Variants in BNC2 observed in about 807,000 individuals in gnomAD.
BNC2 encodes zinc finger protein basonuclin-2.
BNC2 carries 20 observed loss-of-function variants against 76.3 expected under a neutral mutation model. The ratio of observed to expected loss-of-function variants is 0.26; its 90% CI spans 0.18 to 0.38. The LOEUF (loss-of-function observed/expected upper bound fraction) is 0.38, where lower values mean the gene tolerates loss of function less well. Among genes scored for constraint, BNC2 ranks in the 10% least tolerant of loss-of-function variants. The pLI, the probability that BNC2 is intolerant of heterozygous loss-of-function variation, is 1.00. For missense variants in BNC2, 1,382 were observed against 1,399.8 expected (o/e 0.99, Z 0.20); for synonymous variants, 582 against 514.8 (o/e 1.13, Z -1.77).
chr9:16,449,850 A>AGGGGGGGGGGT (rs1821304993), intron 5 of BNC2, among the ~76,000 whole-genome samples: 2 of 119,044 alleles, frequency 1.7e-5, no homozygotes, highest in African/African-American at 3.8e-5. Context: ...GCGGGGGGGG[A>AGGGGGGGGGGT]GGGTAACTAA....
At chr9:16,700,517 G>A (rs763770568) in intron 3 of BNC2, among the ~76,000 whole-genome samples, 1 of 152,158 alleles carries the variant, frequency 6.6e-6, no homozygotes, top group Admixed American at 6.5e-5. Flanking sequence ...TCTGTGCTGC[G>A]CAAGCTGGAC....
intron 5 of BNC2, among the ~76,000 whole-genome samples, chr9:16,528,480 T>C (rs1817879062): frequency 6.6e-6 from 1 of 152,206 alleles, no homozygotes; most frequent in Non-Finnish European, 1.5e-5. Context: ...TTCTAAATGT[T>C]AATATATGAG....
intron 1 of BNC2, among the ~76,000 whole-genome samples, chr9:16,768,183 C>G (rs1002157288): frequency 6.6e-6 from 1 of 151,988 alleles, no homozygotes; most frequent in Non-Finnish European, 1.5e-5. Context: ...CTAGGCTGGT[C>G]TTAAACTCCT....
At chr9:16,540,686 G>A (rs769346670) in intron 5 of BNC2, among the ~76,000 whole-genome samples, 17 of 152,120 alleles carry the variant, frequency 1.1e-4, no homozygotes, top group Non-Finnish European at 1.9e-4. Context: ...TTTAAAGGAG[G>A]CTTCAGTAAG....
chr9:16,800,281 ATGGAAAAACAGTCTTATT>A (rs1269114337), intron 1 of BNC2, among the ~76,000 whole-genome samples: 31 of 152,050 alleles, frequency 2.0e-4, no homozygotes, highest in Admixed American at 3.3e-4. Context: ...TGGCAGGTGG[ATGGAAAAACAGTCTTATT>A]TCCTTCTCAA....
chr9:16,610,921 T>C (rs1419327255), intron 3 of BNC2, among the ~76,000 whole-genome samples: 1 of 152,200 alleles, frequency 6.6e-6, no homozygotes, highest in Admixed American at 6.6e-5. Context: ...GCTGTCATAC[T>C]TTTTAATAAT....
At chr9:16,627,948 T>A (rs183389929) in intron 3 of BNC2, among the ~76,000 whole-genome samples, 29 of 152,320 alleles carry the variant, frequency 1.9e-4, no homozygotes, top group Non-Finnish European at 2.9e-4. Flanking sequence ...AAGTCATTTG[T>A]CTTATGAGGT....
intron 1 of BNC2, among the ~76,000 whole-genome samples, chr9:16,756,118 T>A (rs1187326850): frequency 6.6e-6 from 1 of 152,246 alleles, no homozygotes; most frequent in Non-Finnish European, 1.5e-5. Flanking sequence ...GATGAGAAGT[T>A]ATTAAGAATA....
intron 4 of BNC2, among the ~76,000 whole-genome samples, chr9:16,563,188 C>T (rs1014197223): frequency 1.3e-5 from 2 of 152,020 alleles, no homozygotes; most frequent in African/African-American, 2.4e-5. Context: ...AAGTCTGCAA[C>T]AGTAAGATAA....
At position 16,435,635 on chromosome 9, in the gene BNC2, C is replaced by A; in HGVS notation, c.2559G>T (p.Arg853Ser). ...CGTGCATCTCTTTCAAGTGAACGTT[C>A]CTGTAGTGAAGTTTCACACTGTAGG... The part of the protein sequence containing the change: ...KSSYSVKLHY[R>S]NVHLKEMHVC... The change falls in exon 6 of 7, where the codon AGG (arginine) becomes AGT (serine). Residue 853 changes from arginine (R) to serine (S), a missense_variant. Arg to Ser is a moderately radical substitution (Grantham distance 110). This residue lies in a region of BNC2 where 798 missense variants were observed against 775.5 expected (regional missense o/e 1.03). Coordinates refer to ENST00000380672, the MANE Select transcript of BNC2 (RefSeq NM_017637.6). 6.2e-7 allele frequency: 1 copy of A among 1,614,082 alleles called. No homozygotes were observed. Among genetic ancestry groups the A allele is most frequent in the Non-Finnish European group, 8.5e-7 (1 of 1,180,002 alleles).
chr9:16,870,598 T>G (rs1819659253), intron 1 of BNC2, 48 bp downstream of exon 1: 1 of 1,605,042 alleles, frequency 6.2e-7, no homozygotes, highest in Non-Finnish European at 8.5e-7. Flanking sequence ...GGGGGTCATT[T>G]CTGAGGAAGT....
intron 1 of BNC2, among the ~76,000 whole-genome samples, chr9:16,862,214 A>T (rs1819428087): frequency 6.6e-6 from 1 of 152,218 alleles, no homozygotes; most frequent in Admixed American, 6.5e-5. Flanking sequence ...AAACTTGTAC[A>T]TGAATGTTCA....
intron 6 of BNC2, chr9:16,431,632 C>T (rs748239012): frequency 2.2e-5 from 6 of 274,314 alleles, no homozygotes; most frequent in Non-Finnish European, 4.7e-5. Flanking sequence ...TAACACTACA[C>T]CTTGCTATCA....
At chr9:16,603,090 C>T (rs1308695458) in intron 3 of BNC2, among the ~76,000 whole-genome samples, 1 of 152,098 alleles carries the variant, frequency 6.6e-6, no homozygotes, top group African/African-American at 2.4e-5. Flanking sequence ...TGATGGTTAC[C>T]CTTTATGCCT....
At position 16,765,413 on chromosome 9, in the gene BNC2, T is replaced by C. The variant is rs541812309; in HGVS notation, c.4-26928A>G. 5.9e-5 allele frequency among the ~76,000 whole-genome samples: 9 copies of C among 152,324 alleles called. No individual in the cohort carries two copies. In the South Asian group the frequency reaches 1.9e-3, roughly 32 times the overall value. On this transcript the variant is annotated intron_variant, in intron 1 of 6. Transcript: ENST00000380672. Reference sequence around the variant, plus strand: ...TGAAGGGATAAAAGCTAAATTTTGGTTTCTAAACAGATGGAAACAATATTA... The same window carrying C: ...TGAAGGGATAAAAGCTAAATTTTGGCTTCTAAACAGATGGAAACAATATTA...
chr9:16,515,218 C>T (rs1217825395), intron 5 of BNC2, among the ~76,000 whole-genome samples: 4 of 152,188 alleles, frequency 2.6e-5, no homozygotes, highest in African/African-American at 7.2e-5. Context: ...CTCCAAGAAG[C>T]CAATAGTCTG....
chr9:16,652,035 T>A (rs1218906056), intron 3 of BNC2, among the ~76,000 whole-genome samples: 1 of 152,190 alleles, frequency 6.6e-6, no homozygotes, highest in Non-Finnish European at 1.5e-5. Context: ...ATTTTATAAG[T>A]GGAATATCCT....
chr9:16,424,832 G>T (rs576035587), intron 6 of BNC2, among the ~76,000 whole-genome samples: 50 of 152,206 alleles, frequency 3.3e-4, no homozygotes, highest in African/African-American at 9.9e-4. Context: ...TTCTTATCTG[G>T]ATTGCTACAA....
chr9:16,773,886 A>C (rs1245951899), intron 1 of BNC2, among the ~76,000 whole-genome samples: 2 of 152,226 alleles, frequency 1.3e-5, no homozygotes, highest in Admixed American at 6.5e-5. Context: ...AACAAGTTGC[A>C]GATGGTATTA....
Sources: gnomAD v4.1 joint callset for allele counts (sites outside exome capture counted in the v4.1 genomes callset) on GRCh38, gnomAD v4.1.1 for gene constraint, gnomAD v4.1.1 regional missense constraint, MANE v1.5 for transcripts, NCBI Gene and HGNC (gene_info 2026-07-23, HGNC 2026-07-21) for gene names.